LMBRD2: variants seen among roughly 807,000 people sequenced by gnomAD.
The protein encoded by LMBRD2 is G protein-coupled receptor-associated protein LMBRD2.
Under a neutral mutation model 94.4 loss-of-function variants are expected in LMBRD2, and 55 were observed. The ratio of observed to expected loss-of-function variants is 0.58; its 90% confidence interval spans 0.47 to 0.73. The LOEUF (loss-of-function observed/expected upper bound fraction) is 0.73. LMBRD2 is among the 30% of genes least tolerant of loss of function. LMBRD2 has a pLI of 0.00. For synonymous variants in LMBRD2, 246 were observed against 272.4 expected (o/e 0.90, Z 0.95); for missense variants, 640 against 831.9 (o/e 0.77, Z 2.84).
intron 4 of LMBRD2, among the ~76,000 whole-genome samples, chr5:36,138,126 G>C (rs753847605): frequency 1.3e-5 from 2 of 152,148 alleles, no homozygotes; most frequent in Non-Finnish European, 2.9e-5. Context: ...GAAAACCAAG[G>C]AGCATATGGA....
At position 36,124,216 on chromosome 5, in the gene LMBRD2, T is replaced by C; in HGVS notation, c.797A>G (p.Lys266Arg). Residue 266 changes from lysine (K) to arginine (R), a missense_variant, in exon 7 of 18, where the codon AAA becomes AGA. Coordinates refer to ENST00000296603, the MANE Select transcript of LMBRD2 (RefSeq NM_001007527.2). ...CTTTTTAAGTATTGTATCAACACAT[T>C]TTCTCAATGGGTGATTATACTTGAT... The part of the protein sequence containing the change: ...ESIKYNHPLR[K>R]CVDTILKKCP... 1 of 1,589,204 alleles carries C rather than the reference T, an allele frequency of 6.3e-7. No homozygotes were observed. Among genetic ancestry groups the C allele is most frequent in the Non-Finnish European group, 8.6e-7 (1 of 1,159,052 alleles).
rs10071583 is a variant in LMBRD2 at position 36,110,079 on chromosome 5, A to G, written c.1745-88T>C. 2,695 of 966,114 alleles carry G rather than the reference A, an allele frequency of 2.8e-3. 42 individuals carry two copies. The African/African-American group carries it at 0.037, about 13-fold the overall frequency. 59.8% of individuals were successfully genotyped at this position (966,114 alleles called of 1,614,324 possible). A position where few individuals can be genotyped will look rare whatever the true frequency, so the allele number is the denominator to read the frequency against. ...GAAGTAAAGATAGCGGGCAATGACC[A>G]GTATTTCTTTTAAATTATCACAAAA... On this transcript the variant is annotated intron_variant, in intron 14 of 17. Coordinates refer to ENST00000296603, the MANE Select transcript of LMBRD2 (RefSeq NM_001007527.2).
At chr5:36,128,754 CACCAGGG>C (rs1744066866) in intron 6 of LMBRD2, among the ~76,000 whole-genome samples, 1 of 152,078 alleles carries the variant, frequency 6.6e-6, no homozygotes, top group Admixed American at 6.6e-5. Flanking sequence ...AATAACAAGG[CACCAGGG>C]ACCAATCCTG....
chr5:36,099,898 C>G lies in LMBRD2; in HGVS notation c.*4148G>C, dbSNP rs1484541539. The G allele has an allele frequency of 6.6e-6, 1 of 152,078 alleles. No individual in the cohort carries two copies. Among genetic ancestry groups the G allele is most frequent in the African/African-American group, 2.4e-5 (1 of 41,410 alleles). The allele number at this position is 152,078 out of a possible 1,614,324, so 9.4% of individuals were successfully genotyped here. A position where few individuals can be genotyped will look rare whatever the true frequency, so the allele number is the denominator to read the frequency against. On this transcript the variant is annotated 3_prime_UTR_variant, in exon 18 of 18. Coordinates refer to ENST00000296603, the MANE Select transcript of LMBRD2 (RefSeq NM_001007527.2). Reference sequence around the variant, plus strand: ...ACCAATGGCTTGGTACAGAAGGAATCAGAGGCGAGGACATGTTCCTGCTGC... The same window carrying G: ...ACCAATGGCTTGGTACAGAAGGAATGAGAGGCGAGGACATGTTCCTGCTGC...
intron 15 of LMBRD2, among the ~76,000 whole-genome samples, chr5:36,109,232 T>C (rs1048631706): frequency 2.9e-4 from 44 of 152,232 alleles, no homozygotes; most frequent in Non-Finnish European, 2.8e-4. Flanking sequence ...TTTGGCTCTC[T>C]GACTAGATAG....
In LMBRD2 at chr5:36,122,897, T is replaced by A. The variant is rs753936093; in HGVS notation, c.887A>T (p.Lys296Met). ...NMDDYEDFDE[K>M]HSIYPSEKSL... is the part of the protein sequence containing the mutation. Reference sequence around the variant, plus strand: ...TTTTTCACTTGGATAGATACTATGCTTTTCATCAAAATCTTCATAATCATC... The same window carrying A: ...TTTTTCACTTGGATAGATACTATGCATTTCATCAAAATCTTCATAATCATC... Residue 296 changes from lysine (K) to methionine (M), a missense_variant, in exon 8 of 18, where the codon AAG becomes ATG. Coordinates refer to ENST00000296603, the MANE Select transcript of LMBRD2 (RefSeq NM_001007527.2). 3.2e-6 allele frequency: 5 copies of A among 1,586,802 alleles called. No homozygotes were observed. In the Admixed American group the frequency reaches 9.2e-5, roughly 29 times the overall value.
chr5:36,125,677 T>G (rs1743992564), intron 6 of LMBRD2, among the ~76,000 whole-genome samples: 1 of 152,124 alleles, frequency 6.6e-6, no homozygotes, highest in Non-Finnish European at 1.5e-5. Context: ...TCTATTGAAA[T>G]TTAGAATATG....
At position 36,137,553 on chromosome 5, in the gene LMBRD2, A is replaced by G. The variant is rs1744301181; in HGVS notation, c.369-112T>C. ...ATTTTAATGAATAGGTCTTCTCATT[A>G]ATAAATGTTTATAAGTAATCATGAA... On this transcript the variant is annotated intron_variant, in intron 4 of 17. Coordinates refer to ENST00000296603, the MANE Select transcript of LMBRD2 (RefSeq NM_001007527.2). 3 of 579,416 alleles carry G rather than the reference A, an allele frequency of 5.2e-6. No homozygotes were observed. In the South Asian group the frequency reaches 1.1e-4, roughly 22 times the overall value. The allele number at this position is 579,416 out of a possible 1,614,324, so 35.9% of individuals were successfully genotyped here. A position where few individuals can be genotyped will look rare whatever the true frequency, so the allele number is the denominator to read the frequency against.
chr5:36,104,807 T>C (rs1581038535), intron 17 of LMBRD2, among the ~76,000 whole-genome samples: 1 of 152,164 alleles, frequency 6.6e-6, no homozygotes, highest in East Asian at 1.9e-4. Context: ...AATTATTCTT[T>C]CTTATTTATA....
intron 14 of LMBRD2, among the ~76,000 whole-genome samples, chr5:36,110,423 CCTT>C (rs2111848070): frequency 6.6e-6 from 1 of 152,084 alleles, no homozygotes; most frequent in Non-Finnish European, 1.5e-5. Context: ...TTCTAGCTGT[CCTT>C]CTCTAAATAC....
Position 36,143,282 on chromosome 5 carries a change from C to G in LMBRD2, c.68G>C (p.Arg23Pro). Residue 23 changes from arginine (R) to proline (P), a missense_variant, in exon 2 of 18, where the codon CGA becomes CCA. Transcript: ENST00000296603. The stretch of plus-strand genomic sequence containing the variant: ...ATGCTGTTTCTTAAAGTCTCCATAT[C>G]GATGAAGCAGAAATAATGCCAGAAA... ...VFFLALFLLH[R>P]YGDFKKQHRL... 6.2e-7 allele frequency: 1 copy of G among 1,612,502 alleles called. No individual in the cohort carries two copies. Among genetic ancestry groups the G allele is most frequent in the Non-Finnish European group, 8.5e-7 (1 of 1,178,742 alleles).
rs186054809 is a variant in LMBRD2 at position 36,124,667 on chromosome 5, C to T, written c.748-402G>A. Among the ~76,000 whole-genome samples the T allele has an allele frequency of 5.3e-5, 8 of 152,288 alleles. No individual in the cohort carries two copies. The East Asian group carries it at 1.5e-3, about 29-fold the overall frequency. On this transcript the variant is annotated intron_variant, in intron 6 of 17. Transcript: ENST00000296603. The stretch of plus-strand genomic sequence containing the variant: ...AAACCAGAGGAAGCAGAAAAGGCTA[C>T]AAATGTCACAAAGTGCCAGCTCTTT...
intron 5 of LMBRD2, 131 bp from the exon 6 acceptor site, chr5:36,136,650 CAAT>C (rs746487783): frequency 7.1e-6 from 5 of 699,638 alleles, no homozygotes; most frequent in Non-Finnish European, 1.2e-5. Context: ...TAATTCATGG[CAAT>C]AATATGTATA....
At chr5:36,110,049 C>T in intron 14 of LMBRD2, 58 bp from the exon 15 acceptor site, 18 of 1,276,828 alleles carry the variant, frequency 1.4e-5, no homozygotes, top group South Asian at 6.2e-5. Flanking sequence ...AGACATAGTG[C>T]AACTGAAGTA....
intron 16 of LMBRD2, among the ~76,000 whole-genome samples, chr5:36,106,509 G>A (rs56384221): frequency 8.4e-6 from 1 of 119,410 alleles, no homozygotes; most frequent in Non-Finnish European, 1.7e-5. Flanking sequence ...TTTTTCTTTC[G>A]TTTTTTTTTT....
In LMBRD2 at chr5:36,122,332, T is replaced by A; in HGVS notation, c.1068A>T (p.Gln356His). ...SATHQFVHTFQSPEPENRFIQ... is the reference protein window; with the variant it reads ...SATHQFVHTFHSPEPENRFIQ... Reference sequence around the variant, plus strand: ...TAAATCGATTTTCTGGCTCTGGCGATTGAAAGGTGTGAACAAACTGATGAG... The same window carrying A: ...TAAATCGATTTTCTGGCTCTGGCGAATGAAAGGTGTGAACAAACTGATGAG... The change falls in exon 9 of 18, where the codon CAA becomes CAT. Residue 356 changes from glutamine to histidine, a missense_variant. Gln to His is a conservative substitution (Grantham distance 24). Coordinates refer to ENST00000296603, the MANE Select transcript of LMBRD2 (RefSeq NM_001007527.2). 3 of 1,608,644 alleles carry A rather than the reference T, an allele frequency of 1.9e-6. No homozygotes were observed. Among genetic ancestry groups the A allele is most frequent in the Non-Finnish European group, 1.7e-6 (2 of 1,178,658 alleles).
chr5:36,114,215 A>G (rs1743685078), intron 13 of LMBRD2, among the ~76,000 whole-genome samples: 1 of 152,150 alleles, frequency 6.6e-6, no homozygotes. Flanking sequence ...TTATTATAAT[A>G]GAATAATAAC....
At chr5:36,104,252 C>T (rs983619441) in intron 17 of LMBRD2, 146 bp from the exon 18 acceptor site, 3 of 637,482 alleles carry the variant, frequency 4.7e-6, no homozygotes, top group East Asian at 2.9e-5. Flanking sequence ...AACTTACCCT[C>T]CAAGTATATT....
At position 36,114,496 on chromosome 5, in the gene LMBRD2, G is replaced by A; in HGVS notation, c.1568C>T (p.Ser523Phe). 1 of 1,558,484 alleles carries A rather than the reference G, an allele frequency of 6.4e-7. No homozygotes were observed. Among genetic ancestry groups the A allele is most frequent in the South Asian group, 1.2e-5 (1 of 80,610 alleles). The change falls in exon 13 of 18, where the codon TCC (serine) becomes TTC (phenylalanine). Residue 523 changes from serine to phenylalanine, a missense_variant. Coordinates refer to ENST00000296603, the MANE Select transcript of LMBRD2 (RefSeq NM_001007527.2). ...TSIMGSMKVL[S>F]FIADGFYIYY... ...TATATAGAATCCATCTGCAATAAAG[G>A]ATAAAACTTTCATGGAACCCATAAT...
Sources: allele counts gnomAD v4.1 joint callset (sites outside exome capture counted in the v4.1 genomes callset), GRCh38; gene constraint gnomAD v4.1.1; transcripts MANE v1.5; gene names NCBI Gene and HGNC (gene_info 2026-07-23, HGNC 2026-07-21).